Variants in SYNPR observed in about 807,000 individuals in gnomAD.
SYNPR encodes synaptoporin.
In SYNPR, 23 loss-of-function variants were observed where a neutral mutation model predicts 32.9. That is an observed-to-expected ratio of 0.70 (90% CI 0.50 to 0.99). The LOEUF (loss-of-function observed/expected upper bound fraction) is 0.99. Among genes scored for constraint, SYNPR ranks in the 50% least tolerant of loss-of-function variants. SYNPR has a pLI of 0.00. For missense variants in SYNPR, 318 were observed against 349.3 expected, an observed-to-expected ratio of 0.91 and a Z score of 0.71; for synonymous variants, 146 against 135.9, an observed-to-expected ratio of 1.07 and a Z score of -0.52.
intron 2 of SYNPR, among the ~76,000 whole-genome samples, chr3:63,374,458 A>T (rs1170530697): frequency 6.6e-6 from 1 of 152,168 alleles, no homozygotes; most frequent in Non-Finnish European, 1.5e-5. Context: ...GAAGAGAGAG[A>T]GGATCAAAAA....
intron 2 of SYNPR, among the ~76,000 whole-genome samples, chr3:63,346,623 C>G (rs1241297413): frequency 6.6e-6 from 1 of 152,094 alleles, no homozygotes; most frequent in Non-Finnish European, 1.5e-5. Context: ...AGGTGTCCAC[C>G]ACCATGCCCA....
intron 4 of SYNPR, among the ~76,000 whole-genome samples, chr3:63,589,337 T>A (rs1703264680): frequency 6.6e-6 from 1 of 152,116 alleles, no homozygotes; most frequent in Admixed American, 6.6e-5. Context: ...CAATTATGCA[T>A]TCTTTTGTGA....
chr3:63,220,786 C>T, the SYNPR span, among the ~76,000 whole-genome samples: 111 of 152,338 alleles, frequency 7.3e-4, 1 homozygote, highest in African/African-American at 2.5e-3. Flanking sequence ...GCAGGTCCCA[C>T]CCATTTAAGC....
chr3:63,591,989 G>T (rs1042565321), intron 4 of SYNPR, among the ~76,000 whole-genome samples: 5 of 151,936 alleles, frequency 3.3e-5, no homozygotes, highest in Non-Finnish European at 7.4e-5. Context: ...TTTGAAACAG[G>T]GGTCTTTGCA....
At chr3:63,261,825 A>T (rs999148227) in intron 2 of SYNPR, among the ~76,000 whole-genome samples, 1 of 150,588 alleles carries the variant, frequency 6.6e-6, no homozygotes. Flanking sequence ...GGAATTGAAC[A>T]ATGAGAACAC....
chr3:63,600,674 T>C (rs1204671227), intron 4 of SYNPR, among the ~76,000 whole-genome samples: 2 of 152,206 alleles, frequency 1.3e-5, no homozygotes, highest in South Asian at 2.1e-4. Flanking sequence ...CTGATGGTTT[T>C]ATAAGCAACT....
intron 4 of SYNPR, among the ~76,000 whole-genome samples, chr3:63,603,423 G>A (rs777846134): frequency 1.3e-5 from 2 of 152,152 alleles, no homozygotes; most frequent in Non-Finnish European, 2.9e-5. Context: ...TCTTGTTCTG[G>A]TTTTCAAGGG....
At chr3:63,370,868 G>A (rs1169955377) in intron 2 of SYNPR, among the ~76,000 whole-genome samples, 1 of 152,034 alleles carries the variant, frequency 6.6e-6, no homozygotes, top group Non-Finnish European at 1.5e-5. Flanking sequence ...TAAACACAGT[G>A]GATTCATAAA....
chr3:63,279,670 G>T (rs55799472), intron 2 of SYNPR, among the ~76,000 whole-genome samples: 1 of 152,210 alleles, frequency 6.6e-6, no homozygotes, highest in Non-Finnish European at 1.5e-5. Flanking sequence ...CTGTCATGTA[G>T]CATTAATCAG....
chr3:63,556,670 T>C lies in SYNPR; in HGVS notation c.337T>C (p.Ser113Pro), dbSNP rs766674137. The C allele has an allele frequency of 1.2e-6, 2 of 1,613,706 alleles. No individual in the cohort carries two copies. Among genetic ancestry groups the C allele is most frequent in the Non-Finnish European group, 1.7e-6 (2 of 1,179,832 alleles). Residue 113 changes from serine to proline, a missense_variant, in exon 4 of 6, where the codon TCT (serine) becomes CCT (proline). By Grantham distance (74) the Ser-to-Pro change is moderately conservative (BLOSUM62 -1). Coordinates refer to ENST00000478300, the MANE Select transcript of SYNPR (RefSeq NM_001130003.2). The stretch of plus-strand genomic sequence containing the variant: ...TGTTGCTGTCTTCGCCTTCCTCTAC[T>C]CTTTGGCTGCCACTGTCGTTTACAT... The part of the protein sequence containing the change: ...VTVAVFAFLY[S>P]LAATVVYIFF...
At chr3:63,428,228 A>G (rs1699925736) in intron 2 of SYNPR, among the ~76,000 whole-genome samples, 1 of 152,236 alleles carries the variant, frequency 6.6e-6, no homozygotes, top group Admixed American at 6.5e-5. Flanking sequence ...ACAGATTTTA[A>G]AAAGCAGGTG....
rs541169966 is a variant in SYNPR, at chr3:63,593,302, C to G, written c.409-15823C>G. Reference sequence around the variant, plus strand: ...TTGTAATAAAAAGATTAGGCAGGATCAATGGAAAATTAAATCATGTTTTGA... The same window carrying G: ...TTGTAATAAAAAGATTAGGCAGGATGAATGGAAAATTAAATCATGTTTTGA... On this transcript the variant is annotated intron_variant, in intron 4 of 5. Coordinates refer to ENST00000478300, the MANE Select transcript of SYNPR (RefSeq NM_001130003.2). 4.6e-5 allele frequency among the ~76,000 whole-genome samples: 7 copies of G among 152,206 alleles called. No individual in the cohort carries two copies. The South Asian group carries it at 1.5e-3, about 32-fold the overall frequency.
intron 3 of SYNPR, among the ~76,000 whole-genome samples, chr3:63,556,246 G>A (rs1702592840): frequency 6.6e-6 from 1 of 152,186 alleles, no homozygotes; most frequent in African/African-American, 2.4e-5. Flanking sequence ...AAGAATTTCA[G>A]CAGGGGGATG....
At chr3:63,436,930 G>A (rs962556197) in intron 2 of SYNPR, among the ~76,000 whole-genome samples, 1 of 152,072 alleles carries the variant, frequency 6.6e-6, no homozygotes. Flanking sequence ...GGGCTGAAGT[G>A]CAGTGGCACA....
chr3:63,536,161 T>C (rs1449854286), intron 3 of SYNPR, among the ~76,000 whole-genome samples: 1 of 151,932 alleles, frequency 6.6e-6, no homozygotes, highest in Non-Finnish European at 1.5e-5. Flanking sequence ...TACAAAGTAA[T>C]TCATCAAGAA....
At chr3:63,385,388 A>T (rs547418369) in intron 2 of SYNPR, among the ~76,000 whole-genome samples, 2 of 152,334 alleles carry the variant, frequency 1.3e-5, no homozygotes, top group Admixed American at 6.5e-5. Context: ...AAAATAATTG[A>T]TAAGGGAGTA....
At chr3:63,324,877 C>G (rs911483117) in intron 2 of SYNPR, among the ~76,000 whole-genome samples, 1 of 152,020 alleles carries the variant, frequency 6.6e-6, no homozygotes, top group African/African-American at 2.4e-5. Context: ...ACACGGACCT[C>G]AGGAGAGAGC....
chr3:63,584,913 T>C (rs897722146), intron 4 of SYNPR, among the ~76,000 whole-genome samples: 1 of 152,086 alleles, frequency 6.6e-6, no homozygotes, highest in Non-Finnish European at 1.5e-5. Context: ...TGGAAGCTTG[T>C]TAGAAATGCA....
chr3:63,468,194 CAAAAAAAA>C (rs552378431), intron 2 of SYNPR, among the ~76,000 whole-genome samples: 1 of 80,834 alleles, frequency 1.2e-5, no homozygotes, highest in Non-Finnish European at 2.6e-5. Context: ...AACTCCATCT[CAAAAAAAA>C]AAAAAAAAAA....
Sources: allele counts gnomAD v4.1 joint callset (sites outside exome capture counted in the v4.1 genomes callset), GRCh38; gene constraint gnomAD v4.1.1; transcripts MANE v1.5; gene names NCBI Gene and HGNC (gene_info 2026-07-23, HGNC 2026-07-21).